Variants in EPG5 observed in about 807,000 individuals in gnomAD.
The protein encoded by EPG5 is ectopic P granules protein 5 homolog.
Under a neutral mutation model 302.7 loss-of-function variants are expected in EPG5, and 159 were observed. The observed-to-expected ratio is 0.53, with a 90% CI of 0.46 to 0.60. EPG5 has a LOEUF of 0.60. Among genes scored for constraint, EPG5 ranks in the 20% least tolerant of loss-of-function variants. The pLI is 0.00. For synonymous variants in EPG5, 1,158 were observed against 1,136.8 expected (o/e 1.02, Z -0.37); for missense variants, 2,896 against 3,092.4 (o/e 0.94, Z 1.51).
At chr18:45,830,752 ATTTT>A in the EPG5 span, among the ~76,000 whole-genome samples, 3 of 118,124 alleles carry the variant, frequency 2.5e-5, no homozygotes, top group African/African-American at 1.0e-4. Context: ...TGCCAGGCTA[ATTTT>A]TTTTTTTTTT....
rs918668997 is a variant in EPG5 at position 45,890,647 on chromosome 18, A to G, written c.4810-707T>C. ...TTTTAAGATTAGCCTTTCTTATTTGAGAAGCCATCAACAAACCCTTTCTCT... is the reference window on the plus strand; with the variant it reads ...TTTTAAGATTAGCCTTTCTTATTTGGGAAGCCATCAACAAACCCTTTCTCT... On this transcript the variant is annotated intron_variant, in intron 27 of 43. Transcript: ENST00000282041. 2.6e-5 allele frequency among the ~76,000 whole-genome samples: 4 copies of G among 152,180 alleles called. No individual in the cohort carries two copies. In the East Asian group the frequency reaches 7.7e-4, roughly 29 times the overall value.
chr18:45,889,513 T>C (rs945642995), intron 28 of EPG5, among the ~76,000 whole-genome samples: 1 of 152,168 alleles, frequency 6.6e-6, no homozygotes, highest in South Asian at 2.1e-4. Context: ...TAGGGCCAGA[T>C]AGTTAATATT....
chr18:45,882,454 G>T lies in EPG5; in HGVS notation c.5338C>A (p.Pro1780Thr), dbSNP rs747438358. Residue 1780 changes from proline to threonine, a missense_variant, in exon 31 of 44, where the codon CCT (proline) becomes ACT (threonine). By Grantham distance (38) the Pro-to-Thr change is conservative. Around this residue, in one of 5 missense-constraint regions of EPG5, gnomAD observed 790 missense variants for 798.0 expected, o/e 0.99. Transcript: ENST00000282041. ...AGCCTGGTACGATCAGACAGAGGAG[G>T]TTTAGTGGCGCTTAACCATTGTTTA... ...DLKQWLSATK[P>T]PLSDRTRLLE... 6.2e-7 allele frequency: 1 copy of T among 1,614,130 alleles called. No individual in the cohort carries two copies. The highest frequency in any genetic ancestry group is 1.1e-5 in the South Asian group (1 of 91,084).
At chr18:45,902,813 C>G (rs901660002) in intron 25 of EPG5, among the ~76,000 whole-genome samples, 2 of 152,210 alleles carry the variant, frequency 1.3e-5, no homozygotes, top group African/African-American at 4.8e-5. Flanking sequence ...TGGAGTCAGA[C>G]GGCTCTGCCC....
the EPG5 span, among the ~76,000 whole-genome samples, chr18:45,806,744 T>C: frequency 2.6e-5 from 4 of 152,132 alleles, no homozygotes; most frequent in African/African-American, 9.7e-5. Flanking sequence ...TAGCAAACCA[T>C]TTCTGCCTGG....
Position 45,908,063 on chromosome 18 carries a change from T to C in EPG5, c.4224A>G (p.Ile1408Met), listed in dbSNP as rs953377599. ...GAAAATTCTCATCTTCTAGCCATAA[T>C]ATATATACATTGAAGAGCCTAAAAG... The part of the protein sequence containing the change: ...KELVRLFNVY[I>M]LWLEDENFQK... The change falls in exon 24 of 44, where the codon ATA becomes ATG. Residue 1408 changes from isoleucine to methionine, a missense_variant. By Grantham distance (10) the Ile-to-Met change is conservative. Around this residue, in one of 5 missense-constraint regions of EPG5, gnomAD observed 790 missense variants for 798.0 expected, o/e 0.99. Transcript: ENST00000282041. 6.5e-7 allele frequency: 1 copy of C among 1,537,002 alleles called. No homozygotes were observed. The highest frequency in any genetic ancestry group is 8.9e-7 in the Non-Finnish European group (1 of 1,127,968).
chr18:45,966,802 G>A (rs1426154757), intron 1 of EPG5, among the ~76,000 whole-genome samples: 1 of 152,188 alleles, frequency 6.6e-6, no homozygotes, highest in African/African-American at 2.4e-5. Flanking sequence ...ATGCATGGCA[G>A]GGACTAAAAA....
chr18:45,831,743 CT>C, the EPG5 span, among the ~76,000 whole-genome samples: 498 of 146,642 alleles, frequency 3.4e-3, 6 homozygotes, highest in African/African-American at 9.4e-3. Context: ...GTACCAACAT[CT>C]TTTTTTTTTT....
intron 16 of EPG5, among the ~76,000 whole-genome samples, chr18:45,918,838 A>T (rs2050089050): frequency 6.6e-6 from 1 of 152,242 alleles, no homozygotes; most frequent in African/African-American, 2.4e-5. Context: ...GAATACAGGG[A>T]CAATGTCACA....
chr18:45,965,406 T>G (rs1488422356), intron 1 of EPG5, among the ~76,000 whole-genome samples: 1 of 152,126 alleles, frequency 6.6e-6, no homozygotes, highest in East Asian at 1.9e-4. Flanking sequence ...AGGTGTGCAT[T>G]TGCCCATGTA....
At chr18:45,809,454 T>C in the EPG5 span, among the ~76,000 whole-genome samples, 8 of 152,174 alleles carry the variant, frequency 5.3e-5, no homozygotes, top group East Asian at 3.8e-4. Context: ...TTCTCCAAGA[T>C]AGACCATATG....
chr18:45,910,662 C>T lies in EPG5; in HGVS notation c.4064G>A (p.Arg1355His), dbSNP rs368134723. ...HINLLKEMKR[R>H]LTEVADFHHA... ...GTGGAAGTCAGCCACCTCGGTCAAA[C>T]GTCTCTTCATTTCTTTCAACAAATT... is the stretch of plus-strand genomic sequence containing the variant. Residue 1355 changes from arginine (R) to histidine (H), a missense_variant, in exon 23 of 44, where the codon CGT becomes CAT. Physicochemically the swap from Arg to His is conservative, Grantham distance 29. This residue lies in a region of EPG5 where 790 missense variants were observed against 798.0 expected (regional missense o/e 0.99). Transcript: ENST00000282041. 4.3e-6 allele frequency: 7 copies of T among 1,614,160 alleles called. No individual in the cohort carries two copies. The South Asian group carries it at 4.4e-5, about 10-fold the overall frequency.
intron 13 of EPG5, 23 bp downstream of exon 13, chr18:45,928,846 A>G (rs2050334587): frequency 6.3e-7 from 1 of 1,593,776 alleles, no homozygotes; most frequent in African/African-American, 1.4e-5. Context: ...AAAAACAAAA[A>G]CAAACAAAAT....
chr18:45,911,333 T>A (rs2049894813), intron 22 of EPG5, among the ~76,000 whole-genome samples: 1 of 151,240 alleles, frequency 6.6e-6, no homozygotes, highest in South Asian at 2.1e-4. Flanking sequence ...TCACCCAGGC[T>A]GGAGTGCACT....
At chr18:45,840,215 T>A in the EPG5 span, 1 of 1,613,094 alleles carries the variant, frequency 6.2e-7, no homozygotes, top group East Asian at 2.2e-5. Flanking sequence ...CCACAGAGCA[T>A]CTGGACACCC....
chr18:45,953,903 C>G (rs1029407009), intron 2 of EPG5: 6 of 985,152 alleles, frequency 6.1e-6, no homozygotes, highest in Admixed American at 6.2e-5. Context: ...TCAACCTTGA[C>G]ACTCTCTTCC....
At chr18:45,858,909 C>T (rs2048574458) in intron 40 of EPG5, 127 bp from the exon 41 acceptor site, 2 of 696,762 alleles carry the variant, frequency 2.9e-6, no homozygotes, top group South Asian at 3.8e-5. Context: ...AGATAATAAG[C>T]TTCATGTCAA....
chr18:45,872,320 T>G (rs2145326869), intron 35 of EPG5, among the ~76,000 whole-genome samples: 1 of 152,314 alleles, frequency 6.6e-6, no homozygotes, highest in Admixed American at 6.5e-5. Flanking sequence ...GACTTTCTGG[T>G]TCCATGCTAA....
At chr18:45,853,256 A>G (rs1281496538) in intron 43 of EPG5, among the ~76,000 whole-genome samples, 1 of 152,262 alleles carries the variant, frequency 6.6e-6, no homozygotes, top group Admixed American at 6.5e-5. Context: ...GCCAACAAGC[A>G]TGAAGTACAT....
Sources: gnomAD v4.1 joint callset for allele counts (sites outside exome capture counted in the v4.1 genomes callset) on GRCh38, gnomAD v4.1.1 for gene constraint, gnomAD v4.1.1 regional missense constraint, MANE v1.5 for transcripts, NCBI Gene and HGNC (gene_info 2026-07-23, HGNC 2026-07-21) for gene names.